NRG3: variants seen among roughly 807,000 people sequenced by gnomAD.
The protein encoded by NRG3 is neuregulin 3.
A neutral mutation model predicts 66.9 loss-of-function variants in NRG3; 31 were observed. The observed-to-expected ratio is 0.46, with a 90% CI of 0.35 to 0.63. NRG3 has a LOEUF of 0.63. Among genes scored for constraint, NRG3 ranks in the 20% least tolerant of loss-of-function variants. The pLI is 0.00. For synonymous variants in NRG3, 393 were observed against 359.4 expected (o/e 1.09, Z -1.06); for missense variants, 910 against 878.9 (o/e 1.04, Z -0.45).
chr10:82,448,533 G>A (rs1353528711), intron 2 of NRG3, among the ~76,000 whole-genome samples: 3 of 152,112 alleles, frequency 2.0e-5, no homozygotes, highest in Non-Finnish European at 2.9e-5. Context: ...GGATGTAACA[G>A]ATTTAATTTT....
intron 1 of NRG3, among the ~76,000 whole-genome samples, chr10:82,276,144 A>G (rs1304392102): frequency 6.6e-6 from 1 of 152,020 alleles, no homozygotes; most frequent in African/African-American, 2.4e-5. Context: ...TATCATGGCT[A>G]AATATTATTT....
At chr10:82,510,357 A>T (rs1325658365) in intron 2 of NRG3, among the ~76,000 whole-genome samples, 1 of 152,138 alleles carries the variant, frequency 6.6e-6, no homozygotes, top group Non-Finnish European at 1.5e-5. Flanking sequence ...CTGACAGGTC[A>T]TAAGCGCAGG....
chr10:82,195,824 C>T (rs2074417820), intron 1 of NRG3, among the ~76,000 whole-genome samples: 2 of 152,278 alleles, frequency 1.3e-5, no homozygotes, highest in South Asian at 4.1e-4. Context: ...AGGGACACAG[C>T]ATGAAAAGGA....
chr10:82,129,479 G>A (rs2068671001), intron 1 of NRG3, among the ~76,000 whole-genome samples: 2 of 152,144 alleles, frequency 1.3e-5, no homozygotes, highest in Admixed American at 1.3e-4. Context: ...ATACAGGTGT[G>A]CAATGCAAAA....
chr10:82,109,227 G>A (rs1305461993), intron 1 of NRG3, among the ~76,000 whole-genome samples: 1 of 152,136 alleles, frequency 6.6e-6, no homozygotes, highest in Non-Finnish European at 1.5e-5. Flanking sequence ...GAGATTCCAG[G>A]CACAGGGCTC....
At chr10:82,200,931 C>T (rs2074774907) in intron 1 of NRG3, among the ~76,000 whole-genome samples, 1 of 152,086 alleles carries the variant, frequency 6.6e-6, no homozygotes, top group African/African-American at 2.4e-5. Flanking sequence ...GGCACGTTGG[C>T]TCACACCTGT....
intron 3 of NRG3, among the ~76,000 whole-genome samples, chr10:82,844,041 A>T (rs1483892810): frequency 6.6e-6 from 1 of 152,182 alleles, no homozygotes; most frequent in African/African-American, 2.4e-5. Context: ...AATATATATA[A>T]GAACACAAAT....
intron 1 of NRG3, among the ~76,000 whole-genome samples, chr10:82,178,606 G>C (rs552566803): frequency 6.6e-6 from 1 of 152,176 alleles, no homozygotes; most frequent in East Asian, 1.9e-4. Flanking sequence ...TTTACAAAAT[G>C]CTGTTTACCT....
At chr10:82,287,298 G>T (rs893232877) in intron 1 of NRG3, among the ~76,000 whole-genome samples, 1 of 151,918 alleles carries the variant, frequency 6.6e-6, no homozygotes, top group South Asian at 2.1e-4. Flanking sequence ...GCCTGTTTTC[G>T]CCTGTGACTT....
rs559505119 is a variant in NRG3, at chr10:82,621,862, G to A, written c.954-116715G>A. The stretch of plus-strand genomic sequence containing the variant: ...GGCTGTTAACTTTCACACTTCTCAA[G>A]TGTCTGTCTTGTTTCCTCAGAACCA... On this transcript the variant is annotated intron_variant, in intron 2 of 8. Coordinates refer to ENST00000372141, the MANE Select transcript of NRG3 (RefSeq NM_001010848.4). Among the ~76,000 whole-genome samples the A allele has an allele frequency of 2.0e-5, 3 of 152,296 alleles. No homozygotes were observed. In the East Asian group the frequency reaches 5.8e-4, roughly 29 times the overall value.
At chr10:82,044,393 C>T (rs1280095657) in intron 1 of NRG3, among the ~76,000 whole-genome samples, 2 of 151,736 alleles carry the variant, frequency 1.3e-5, no homozygotes, top group South Asian at 2.1e-4. Flanking sequence ...CAGGCTGGAA[C>T]AATGTAGACA....
At chr10:82,537,711 A>G (rs911269695) in intron 2 of NRG3, among the ~76,000 whole-genome samples, 1 of 152,208 alleles carries the variant, frequency 6.6e-6, no homozygotes, top group African/African-American at 2.4e-5. Flanking sequence ...TAGATTTACA[A>G]AACTTTATAC....
At chr10:81,962,987 A>G (rs115877319) in intron 1 of NRG3, among the ~76,000 whole-genome samples, 1,544 of 152,220 alleles carry the variant, frequency 0.01, 24 homozygotes, top group African/African-American at 0.035. Flanking sequence ...GAGCAGTCAC[A>G]CAGCCTGCTC....
intron 2 of NRG3, among the ~76,000 whole-genome samples, chr10:82,591,592 A>G (rs2046985705): frequency 6.6e-6 from 1 of 152,140 alleles, no homozygotes; most frequent in African/African-American, 2.4e-5. Flanking sequence ...ACTTTCTTTG[A>G]CTGTATTATC....
At chr10:82,508,814 A>G (rs1024863896) in intron 2 of NRG3, among the ~76,000 whole-genome samples, 4 of 152,192 alleles carry the variant, frequency 2.6e-5, no homozygotes, top group Admixed American at 1.3e-4. Context: ...ATGATGACCC[A>G]TTCCTGGGTC....
At chr10:82,091,690 G>T (rs375331273) in intron 1 of NRG3, among the ~76,000 whole-genome samples, 2 of 152,152 alleles carry the variant, frequency 1.3e-5, no homozygotes, top group East Asian at 1.9e-4. Flanking sequence ...TTGAATTGCT[G>T]AGTCATATGG....
At chr10:82,137,482 A>C (rs1346254527) in intron 1 of NRG3, among the ~76,000 whole-genome samples, 2 of 152,202 alleles carry the variant, frequency 1.3e-5, no homozygotes, top group African/African-American at 4.8e-5. Context: ...CATCATGAAA[A>C]AATAAATAGG....
At chr10:82,673,879 A>C (rs2053479397) in intron 2 of NRG3, among the ~76,000 whole-genome samples, 1 of 152,176 alleles carries the variant, frequency 6.6e-6, no homozygotes, top group Non-Finnish European at 1.5e-5. Context: ...TCATGAATTC[A>C]AATGCTCAGA....
chr10:82,837,847 T>C (rs1416334473), intron 3 of NRG3, among the ~76,000 whole-genome samples: 1 of 152,188 alleles, frequency 6.6e-6, no homozygotes, highest in African/African-American at 2.4e-5. Flanking sequence ...AGGGTCACTA[T>C]TGTGTCAAAG....
Sources: gnomAD v4.1 joint callset for allele counts (sites outside exome capture counted in the v4.1 genomes callset) on GRCh38, gnomAD v4.1.1 for gene constraint, MANE v1.5 for transcripts, NCBI Gene and HGNC (gene_info 2026-07-23, HGNC 2026-07-21) for gene names.